The following FHIP1B variants were observed in gnomAD, a reference collection of about 807,000 sequenced individuals.
The protein encoded by FHIP1B is FHF complex subunit HOOK interacting protein 1B, also known as FHF complex subunit HOOK-interacting protein 1B.
Under a neutral mutation model 82.2 loss-of-function variants are expected in FHIP1B, and 28 were observed. The observed-to-expected ratio is 0.34, with a 90% confidence interval of 0.25 to 0.47. The LOEUF is 0.47. Among genes scored for constraint, FHIP1B ranks in the 20% least tolerant of loss-of-function variants. The pLI, the probability that FHIP1B is intolerant of heterozygous loss-of-function variation, is 1.00. For missense variants in FHIP1B, 1,110 were observed against 1,262.6 expected (o/e 0.88, Z 1.83); for synonymous variants, 585 against 516.1 (o/e 1.13, Z -1.81).
Position 6,211,351 on chromosome 11 carries a change from T to A in FHIP1B, c.*155A>T. 8.6e-7 allele frequency: 1 copy of A among 1,159,260 alleles called. No homozygotes were observed. The highest frequency in any genetic ancestry group is 1.2e-6 in the Non-Finnish European group (1 of 849,886). The allele number at this position is 1,159,260 out of a possible 1,614,324, so 71.8% of individuals were successfully genotyped here. On this transcript the variant is annotated 3_prime_UTR_variant, in exon 12 of 12. Coordinates refer to ENST00000449352, the MANE Select transcript of FHIP1B (RefSeq NM_001098794.2). ...AAGAAAAATGAGCACAGAATAGAGA[T>A]TTCCCTTTTATACATATTGCAACAA...
rs770530786 is a variant in FHIP1B, at chr11:6,223,878, G to A, written c.509C>T (p.Pro170Leu). The stretch of plus-strand genomic sequence containing the variant: ...TAGCACCAAGCCTTCATCCAGTGCT[G>A]GGCTACTGGGCACAGGGCGGCCACA... ...DACGRPVPSS[P>L]ALDEGLVLLL... The change falls in exon 3 of 12, where the codon CCA becomes CTA. Residue 170 changes from proline to leucine, a missense_variant. Around this residue, in one of 6 missense-constraint regions of FHIP1B, gnomAD observed 467 missense variants for 602.9 expected, o/e 0.77. Transcript: ENST00000449352. The surrounding 1 kb of genome is among the most constrained non-coding windows in gnomAD (Gnocchi z 4.8). The A allele has an allele frequency of 1.9e-6, 3 of 1,614,232 alleles. No homozygotes were observed. The highest frequency in any genetic ancestry group is 1.7e-6 in the Non-Finnish European group (2 of 1,180,038).
In FHIP1B at chr11:6,211,637, T is replaced by C. The variant is rs202217305; in HGVS notation, c.2788A>G (p.Ile930Val). ...AACTCCTTGAGAAATTCAGGGAAAA[T>C]GACTGCACAGTAGACAGCATTCTTG... is the stretch of plus-strand genomic sequence containing the variant. ...RVKNAVYCAV[I>V]FPEFLKELAA... The change falls in exon 12 of 12, where the codon ATT becomes GTT. Residue 930 changes from isoleucine (I) to valine (V), a missense_variant. Ile to Val is a conservative substitution (Grantham distance 29). This residue lies in a region of FHIP1B where 10 missense variants were observed against 33.2 expected (regional missense o/e 0.30). Transcript: ENST00000449352. 2 of 1,614,130 alleles carry C rather than the reference T, an allele frequency of 1.2e-6. No individual in the cohort carries two copies. The highest frequency in any genetic ancestry group is 8.5e-7 in the Non-Finnish European group (1 of 1,180,010).
Position 6,222,605 on chromosome 11 carries a change from G to T in FHIP1B, c.1028C>A (p.Ser343Tyr), listed in dbSNP as rs540048498. The change falls in exon 6 of 12, where the codon TCT becomes TAT. Residue 343 changes from serine to tyrosine, a missense_variant. Transcript: ENST00000449352. ...PVMGPALHKT[S>Y]VEEMIASTAY... is the part of the protein sequence containing the mutation. The stretch of plus-strand genomic sequence containing the variant: ...GGTACTGGCGATCATCTCCTCCACA[G>T]AGGTCTGCACAAAAAGAAGGGAAAG... 6.2e-7 allele frequency: 1 copy of T among 1,614,012 alleles called. No homozygotes were observed. The highest frequency in any genetic ancestry group is 1.1e-5 in the South Asian group (1 of 91,060).
rs776052414 is a variant in FHIP1B at position 6,223,265 on chromosome 11, T to A, written c.778-27A>T. ...TATGAGAAGTTACCAAAAGCTCATA[T>A]ATAAAATACATTTATAAAATATAAA... On this transcript the variant is annotated intron_variant, in intron 3 of 11. Transcript: ENST00000449352. The surrounding 1 kb of genome is among the most constrained non-coding windows in gnomAD (Gnocchi z 4.8). 1 of 1,576,434 alleles carries A rather than the reference T, an allele frequency of 6.3e-7. No homozygotes were observed.
intron 1 of FHIP1B, among the ~76,000 whole-genome samples, chr11:6,228,481 G>C (rs941371651): frequency 3.3e-5 from 5 of 152,178 alleles, no homozygotes; most frequent in Non-Finnish European, 7.3e-5. Flanking sequence ...TGAAGAAAGT[G>C]ACAAGTTATA....
chr11:6,216,994 G>A, intron 9 of FHIP1B: 1 of 666,684 alleles, frequency 1.5e-6, no homozygotes, highest in Admixed American at 2.1e-5. Context: ...TCTCCATACA[G>A]GACAGCACAT....
rs750750965 is a variant in FHIP1B, at chr11:6,217,189, C to T, written c.2215+182G>A. ...AACCAGCACAAGCATGGAAGACGTA[C>T]AGACAGACACAGGGACACAAGTATG... is the stretch of plus-strand genomic sequence containing the variant. On this transcript the variant is annotated intron_variant, in intron 9 of 11. Transcript: ENST00000449352. The T allele has an allele frequency of 4.2e-6, 3 of 714,436 alleles. No homozygotes were observed. In the South Asian group the frequency reaches 4.4e-5, roughly 11 times the overall value. 44.3% of individuals were successfully genotyped at this position (714,436 alleles called of 1,614,324 possible).
intron 1 of FHIP1B, among the ~76,000 whole-genome samples, chr11:6,225,692 CT>C (rs1324512814): frequency 9.2e-5 from 14 of 152,220 alleles, no homozygotes; most frequent in Admixed American, 9.2e-4. Context: ...TGATCTGACT[CT>C]AGCCCTCTGG....
At chr11:6,214,346 C>G in intron 11 of FHIP1B, 65 bp downstream of exon 11, 1 of 1,506,786 alleles carries the variant, frequency 6.6e-7, no homozygotes, top group East Asian at 2.3e-5. Context: ...AATAAGAGCT[C>G]AATTAACCTG....
chr11:6,215,719 T>A (rs1847207869), intron 9 of FHIP1B, among the ~76,000 whole-genome samples: 2 of 152,166 alleles, frequency 1.3e-5, no homozygotes, highest in South Asian at 4.1e-4. Flanking sequence ...AGGGAAAGGA[T>A]CAGCATTATC....
intron 9 of FHIP1B, chr11:6,216,428 G>A (rs1321420624): frequency 6.6e-6 from 1 of 152,616 alleles, no homozygotes; most frequent in African/African-American, 2.4e-5. Context: ...TGCCATAATT[G>A]TAGTAAATGA....
At chr11:6,218,888 C>G (rs1847327275) in intron 7 of FHIP1B, 83 bp downstream of exon 7, 5 of 1,563,224 alleles carry the variant, frequency 3.2e-6, no homozygotes, top group Non-Finnish European at 4.4e-6. Context: ...ATGAGTAACC[C>G]CTATATAGCC....
At position 6,224,242 on chromosome 11, in the gene FHIP1B, G is replaced by A; in HGVS notation, c.145C>T (p.Arg49Ter). 6.2e-7 allele frequency: 1 copy of A among 1,610,396 alleles called. No individual in the cohort carries two copies. The highest frequency in any genetic ancestry group is 8.5e-7 in the Non-Finnish European group (1 of 1,177,728). Residue 49 changes from arginine (R) to a stop codon, truncating the protein, a stop_gained, in exon 3 of 12, where the codon CGA (arginine) becomes TGA (stop). Transcript: ENST00000449352. LOFTEE classifies it high-confidence loss of function. ...VFKNHWSQVV[R>*]ILERQGPRAA... The stretch of plus-strand genomic sequence containing the variant: ...CGAGGGCCTTGCCGCTCCAGGATTC[G>A]CACCACCTAGGGAAAAAGGACAGAA...
At chr11:6,228,312 T>C (rs190101009) in intron 1 of FHIP1B, among the ~76,000 whole-genome samples, 130 of 152,076 alleles carry the variant, frequency 8.5e-4, no homozygotes, top group African/African-American at 2.8e-3. Flanking sequence ...ATCGCACCAT[T>C]GCACTCTAGC....
intron 1 of FHIP1B, among the ~76,000 whole-genome samples, chr11:6,230,767 C>T (rs912350682): frequency 1.3e-5 from 2 of 152,168 alleles, no homozygotes; most frequent in Non-Finnish European, 2.9e-5. Context: ...GAACTAGATC[C>T]TAAAGGATAA....
chr11:6,222,700 G>A, intron 5 of FHIP1B, 91 bp from the exon 6 acceptor site: 2 of 1,564,660 alleles, frequency 1.3e-6, no homozygotes, highest in South Asian at 1.1e-5. Context: ...ATCAGGAGCA[G>A]ACAGGGCAAA....
At chr11:6,219,323 T>A (rs73392996) in intron 6 of FHIP1B, among the ~76,000 whole-genome samples, 78 of 152,324 alleles carry the variant, frequency 5.1e-4, no homozygotes, top group African/African-American at 1.8e-3. Context: ...ATATACCTGG[T>A]CAGCAGAGAC....
chr11:6,218,636 TG>T lies in FHIP1B; in HGVS notation c.1398del (p.Ser467AlafsTer24). 1 of 1,614,094 alleles carries T rather than the reference TG, an allele frequency of 6.2e-7. No homozygotes were observed. The highest frequency in any genetic ancestry group is 8.5e-7 in the Non-Finnish European group (1 of 1,180,006). ...LIPRCCRHHA[P>X]SPPRPEHASW... ...GAGGCATGCTCTGGACGAGGTGGGC[TG>T]GGGGCGTGGTGCCGACAACAGCGTG... On this transcript the variant is annotated frameshift_variant, in exon 8 of 12. Transcript: ENST00000449352. LOFTEE classifies it high-confidence loss of function.
chr11:6,229,273 A>G (rs1159410682), intron 1 of FHIP1B, among the ~76,000 whole-genome samples: 4 of 152,222 alleles, frequency 2.6e-5, no homozygotes, highest in Non-Finnish European at 5.9e-5. Context: ...CATTTCACAT[A>G]TCTGAGCCTC....
Sources: allele counts gnomAD v4.1 joint callset (sites outside exome capture counted in the v4.1 genomes callset), GRCh38; gene constraint gnomAD v4.1.1; regional missense constraint gnomAD v4.1.1; non-coding constraint Gnocchi (gnomAD v3.1); transcripts MANE v1.5; gene names NCBI Gene and HGNC (gene_info 2026-07-23, HGNC 2026-07-21).